Variants in CHRNA6 observed in about 807,000 individuals in gnomAD.
CHRNA6 encodes the protein neuronal acetylcholine receptor subunit alpha-6.
A neutral mutation model predicts 40.9 loss-of-function variants in CHRNA6; 31 were observed. The observed-to-expected ratio is 0.76, with a 90% CI of 0.57 to 1.02. CHRNA6 has a LOEUF of 1.02. Ranked by LOEUF, CHRNA6 falls within the 50% of genes least tolerant of loss-of-function variation. The probability of loss-of-function intolerance (pLI) is 0.00; values close to 1 mark genes in which losing one functional copy is unlikely to be tolerated. For missense variants in CHRNA6, 546 were observed against 596.6 expected, an observed-to-expected ratio of 0.92 and a Z score of 0.88; for synonymous variants, 222 against 221.3, an observed-to-expected ratio of 1.00 and a Z score of -0.03.
intron 2 of CHRNA6, among the ~76,000 whole-genome samples, chr8:42,760,438 T>G (rs1245399405): frequency 6.7e-6 from 1 of 149,016 alleles, no homozygotes; most frequent in Non-Finnish European, 1.5e-5. Flanking sequence ...ATACACACAC[T>G]CGTACGTGTG....
Position 42,765,139 on chromosome 8 carries a change from T to C in CHRNA6, c.145A>G (p.Ile49Val), listed in dbSNP as rs577392421. Residue 49 changes from isoleucine to valine, a missense_variant, in exon 2 of 6, where the codon ATC (isoleucine) becomes GTC (valine). By Grantham distance (29) the Ile-to-Val change is conservative (BLOSUM62 3). Transcript: ENST00000276410. ...TCGGAAACGTTTTCCACAGGCCTGA[T>C]GAACTGGTTGTAATGAGAAAACAGT... ...HKLFSHYNQFIRPVENVSDPV... is the reference protein window; with the variant it reads ...HKLFSHYNQFVRPVENVSDPV... 18 of 1,614,166 alleles carry C rather than the reference T, an allele frequency of 1.1e-5. No homozygotes were observed. In the African/African-American group the frequency reaches 2.3e-4, roughly 20 times the overall value.
rs1457178563 is a variant in CHRNA6, at chr8:42,756,164, G to A, written c.1035C>T (p.Phe345=). The change falls in exon 5 of 6, where the codon TTC becomes TTT. Residue 345 remains phenylalanine (F), a synonymous_variant. Transcript: ENST00000276410. The part of the protein sequence containing the change: ...HTMPRWVKTV[F]LKLLPQVLLM... ...GCAGGACCTGGGGCAGCAGCTTCAG[G>A]AAAACTGTCTTCACCCACCTGGGCA... The A allele has an allele frequency of 6.2e-7, 1 of 1,614,266 alleles. No homozygotes were observed.
intron 2 of CHRNA6, among the ~76,000 whole-genome samples, chr8:42,759,669 G>A (rs569394639): frequency 1.3e-5 from 2 of 151,988 alleles, no homozygotes; most frequent in Admixed American, 6.6e-5. Flanking sequence ...AGGCCGAGGC[G>A]GGTGGATCAC....
intron 1 of CHRNA6, among the ~76,000 whole-genome samples, chr8:42,767,307 A>G (rs1481300582): frequency 6.6e-6 from 1 of 152,204 alleles, no homozygotes; most frequent in Non-Finnish European, 1.5e-5. Flanking sequence ...TTCTTAAATA[A>G]TAGCACTTTC....
chr8:42,759,294 C>CTCCA, intron 2 of CHRNA6, 181 bp from the exon 3 acceptor site: 1 of 582,392 alleles, frequency 1.7e-6, no homozygotes. Flanking sequence ...TCACATCTGG[C>CTCCA]TCCAGCCCTG....
chr8:42,755,625 G>A (rs1816786408), intron 5 of CHRNA6, among the ~76,000 whole-genome samples: 1 of 152,136 alleles, frequency 6.6e-6, no homozygotes, highest in Admixed American at 6.6e-5. Context: ...ATTTCTGGAG[G>A]TGGAGATTTG....
chr8:42,768,288 A>T, intron 1 of CHRNA6, 64 bp downstream of exon 1: 2 of 1,309,812 alleles, frequency 1.5e-6, no homozygotes, highest in Non-Finnish European at 2.2e-6. Flanking sequence ...AAGCACAACT[A>T]GAAAAGAGAG....
Position 42,768,472 on chromosome 8 carries a change from T to G in CHRNA6, c.-42A>C. 1 of 1,535,316 alleles carries G rather than the reference T, an allele frequency of 6.5e-7. No individual in the cohort carries two copies. Among genetic ancestry groups the G allele is most frequent in the Non-Finnish European group, 9.0e-7 (1 of 1,109,120 alleles). ...GATTCCTTTTTCCTAGGCAAAGGATTGTGGAAAACAAAGAGCTATCAGTCA... is the reference window on the plus strand; with the variant it reads ...GATTCCTTTTTCCTAGGCAAAGGATGGTGGAAAACAAAGAGCTATCAGTCA... On this transcript the variant is annotated 5_prime_UTR_variant, in exon 1 of 6. Coordinates refer to ENST00000276410, the MANE Select transcript of CHRNA6 (RefSeq NM_004198.3).
At chr8:42,759,367 T>C (rs761689316) in intron 2 of CHRNA6, 2 of 460,396 alleles carry the variant, frequency 4.3e-6, no homozygotes, top group Non-Finnish European at 8.0e-6. Context: ...TCACCTCTTC[T>C]GTGAAGTGCT....
chr8:42,754,381 G>A (rs776087445), intron 5 of CHRNA6, among the ~76,000 whole-genome samples: 3 of 152,076 alleles, frequency 2.0e-5, no homozygotes, highest in Non-Finnish European at 4.4e-5. Context: ...TGTTGCCCAG[G>A]CTGGTCTCAA....
At chr8:42,759,317 G>A in intron 2 of CHRNA6, 1 of 552,420 alleles carries the variant, frequency 1.8e-6, no homozygotes, top group Non-Finnish European at 3.3e-6. Context: ...GATTTTGAGA[G>A]GCAATGTGGC....
chr8:42,761,624 T>C (rs1219147706), intron 2 of CHRNA6, among the ~76,000 whole-genome samples: 3 of 152,240 alleles, frequency 2.0e-5, no homozygotes, highest in African/African-American at 7.2e-5. Flanking sequence ...CCTTCAGAGA[T>C]GTCAGCTGAC....
rs1397011499 is a variant in CHRNA6, at chr8:42,756,528, T to C, written c.671A>G (p.Glu224Gly). The C allele has an allele frequency of 6.2e-7, 1 of 1,614,054 alleles. No homozygotes were observed. The highest frequency in any genetic ancestry group is 1.7e-5 in the Admixed American group (1 of 60,032). ...ATAGGTTATATCTGTGTATATCTCT[T>C]CACAACAGTTGTATTTGATGTCATG... ...YKHDIKYNCC[E>G]EIYTDITYSF... Residue 224 changes from glutamate (E) to glycine (G), a missense_variant, in exon 5 of 6, where the codon GAA becomes GGA. Around this residue, in one of 3 missense-constraint regions of CHRNA6, gnomAD observed 476 missense variants for 494.5 expected, o/e 0.96. Coordinates refer to ENST00000276410, the MANE Select transcript of CHRNA6 (RefSeq NM_004198.3).
intron 5 of CHRNA6, 25 bp from the exon 6 acceptor site, chr8:42,753,335 G>T: frequency 6.3e-7 from 1 of 1,592,984 alleles, no homozygotes. Context: ...AAAATTAAGA[G>T]CTGTTTTAAA....
At chr8:42,767,771 A>G (rs1346591607) in intron 1 of CHRNA6, among the ~76,000 whole-genome samples, 2 of 152,224 alleles carry the variant, frequency 1.3e-5, no homozygotes, top group African/African-American at 4.8e-5. Context: ...GACATTTTAT[A>G]GCAGATAAAC....
At chr8:42,766,368 T>A (rs1816975189) in intron 1 of CHRNA6, among the ~76,000 whole-genome samples, 1 of 152,022 alleles carries the variant, frequency 6.6e-6, no homozygotes, top group Non-Finnish European at 1.5e-5. Flanking sequence ...GGTGGGCGCC[T>A]GTAGTCCCAG....
At chr8:42,764,921 A>G in intron 2 of CHRNA6, 144 bp downstream of exon 2, 1 of 842,384 alleles carries the variant, frequency 1.2e-6, no homozygotes, top group Non-Finnish European at 1.8e-6. Flanking sequence ...CATTGGTGGG[A>G]AAACTGCCTG....
At chr8:42,761,724 C>G (rs937015148) in intron 2 of CHRNA6, among the ~76,000 whole-genome samples, 6 of 152,366 alleles carry the variant, frequency 3.9e-5, no homozygotes, top group African/African-American at 1.4e-4. Flanking sequence ...TATCAGACAT[C>G]TCTGCCGGAG....
chr8:42,756,908 C>T lies in CHRNA6; in HGVS notation c.374+20G>A, dbSNP rs201173194. On this transcript the variant is annotated intron_variant, in intron 4 of 5. Coordinates refer to ENST00000276410, the MANE Select transcript of CHRNA6 (RefSeq NM_004198.3). ...CAACAGCAGCTTTGGAAAGAGGCTA[C>T]GGTGGTCAGAGACCCATACTTGTTA... 15 of 1,609,518 alleles carry T rather than the reference C, an allele frequency of 9.3e-6. No individual in the cohort carries two copies. The highest frequency in any genetic ancestry group is 3.3e-5 in the South Asian group (3 of 90,966).
Sources: gnomAD v4.1 joint callset for allele counts (sites outside exome capture counted in the v4.1 genomes callset) on GRCh38, gnomAD v4.1.1 for gene constraint, gnomAD v4.1.1 regional missense constraint, MANE v1.5 for transcripts, NCBI Gene and HGNC (gene_info 2026-07-23, HGNC 2026-07-21) for gene names.